Variants in OLFM3 observed in about 807,000 individuals in gnomAD.
The protein encoded by OLFM3 is olfactomedin 3.
Under a neutral mutation model 48.6 loss-of-function variants are expected in OLFM3, and 20 were observed. That is an observed-to-expected ratio of 0.41 (90% CI 0.29 to 0.60). The LOEUF (loss-of-function observed/expected upper bound fraction) is 0.60. Ranked by LOEUF, OLFM3 falls within the 20% of genes least tolerant of loss-of-function variation. The pLI is 0.28. For missense variants in OLFM3, 437 were observed against 544.3 expected (o/e 0.80, Z 1.96); for synonymous variants, 222 against 198.1 (o/e 1.12, Z -1.01).
chr1:101,829,658 G>C (rs540461306), intron 3 of OLFM3, among the ~76,000 whole-genome samples: 33 of 152,336 alleles, frequency 2.2e-4, no homozygotes, highest in Admixed American at 2.0e-3. Context: ...CCAAGGGCTT[G>C]AGTTCAGATC....
chr1:101,910,074 T>G, intron 1 of OLFM3: 1 of 985,562 alleles, frequency 1.0e-6, no homozygotes, highest in Non-Finnish European at 1.2e-6. Context: ...TTCCTCCTTC[T>G]GCTTCTTCAT....
chr1:101,821,987 G>A (rs1403706895), intron 4 of OLFM3, among the ~76,000 whole-genome samples: 1 of 152,116 alleles, frequency 6.6e-6, no homozygotes, highest in Admixed American at 6.6e-5. Context: ...GATCTGTGAT[G>A]TTACAGATAT....
chr1:101,858,709 C>G (rs1656526978), intron 1 of OLFM3, among the ~76,000 whole-genome samples: 1 of 152,008 alleles, frequency 6.6e-6, no homozygotes, highest in Non-Finnish European at 1.5e-5. Flanking sequence ...TCACTCTCTT[C>G]CTCCTGTGCC....
chr1:101,956,086 G>GTTGTTTT (rs1553183027), intron 1 of OLFM3, among the ~76,000 whole-genome samples: 6 of 105,084 alleles, frequency 5.7e-5, no homozygotes, highest in Admixed American at 3.6e-4. Context: ...ACAATAACAG[G>GTTGTTTT]TTTTTTTTTT....
intron 1 of OLFM3, chr1:101,909,965 AC>A: frequency 1.0e-6 from 1 of 985,316 alleles, no homozygotes; most frequent in African/African-American, 1.7e-5. Flanking sequence ...TCTTCAAGGT[AC>A]CACATAAGCA....
intron 1 of OLFM3, among the ~76,000 whole-genome samples, chr1:101,905,477 G>A (rs774541078): frequency 6.6e-6 from 1 of 152,140 alleles, no homozygotes; most frequent in Non-Finnish European, 1.5e-5. Context: ...ATTGCCAAAA[G>A]AGTTGTTCTA....
chr1:101,989,158 G>GA (rs1346106794), intron 1 of OLFM3, among the ~76,000 whole-genome samples: 1 of 152,012 alleles, frequency 6.6e-6, no homozygotes, highest in Non-Finnish European at 1.5e-5. Flanking sequence ...GGAGAAGAGG[G>GA]AAAAAAGCTT....
At chr1:101,851,991 C>G (rs972666998) in intron 1 of OLFM3, among the ~76,000 whole-genome samples, 1 of 152,030 alleles carries the variant, frequency 6.6e-6, no homozygotes, top group African/African-American at 2.4e-5. Flanking sequence ...CAATTCTTGG[C>G]CCACCCTTTG....
intron 1 of OLFM3, among the ~76,000 whole-genome samples, chr1:101,875,238 G>T (rs1657251206): frequency 1.3e-5 from 2 of 151,980 alleles, no homozygotes; most frequent in South Asian, 2.1e-4. Context: ...TTCTATTAGA[G>T]CAGTGAAGCT....
intron 4 of OLFM3, chr1:101,813,169 G>A (rs1654152352): frequency 8.7e-7 from 1 of 1,153,474 alleles, no homozygotes; most frequent in African/African-American, 1.6e-5. Flanking sequence ...TTTAAAGAAA[G>A]AAGTTATATT....
chr1:101,847,133 T>A (rs1656036301), intron 1 of OLFM3: 3 of 888,524 alleles, frequency 3.4e-6, no homozygotes, highest in African/African-American at 3.6e-5. Flanking sequence ...CCTTCCCCCA[T>A]CCTCGTGGGA....
intron 1 of OLFM3, among the ~76,000 whole-genome samples, chr1:101,884,341 G>A (rs1191061603): frequency 6.6e-6 from 1 of 151,984 alleles, no homozygotes; most frequent in Non-Finnish European, 1.5e-5. Context: ...CTTTAAAAAT[G>A]TCAAGATAAC....
At chr1:101,860,980 A>G (rs956593294) in intron 1 of OLFM3, among the ~76,000 whole-genome samples, 1 of 152,082 alleles carries the variant, frequency 6.6e-6, no homozygotes, top group Non-Finnish European at 1.5e-5. Context: ...CATTTTAGGG[A>G]CGGATCCTAC....
At chr1:101,826,290 C>CATAGTAGTGAAA (rs925819327) in intron 3 of OLFM3, among the ~76,000 whole-genome samples, 1 of 151,990 alleles carries the variant, frequency 6.6e-6, no homozygotes, top group South Asian at 2.1e-4. Flanking sequence ...TCTCTAACTT[C>CATAGTAGTGAAA]ATAGTAGTGA....
intron 1 of OLFM3, among the ~76,000 whole-genome samples, chr1:101,869,597 T>C (rs1036880293): frequency 3.9e-5 from 6 of 152,126 alleles, no homozygotes; most frequent in African/African-American, 1.4e-4. Flanking sequence ...TGTTATGAAA[T>C]GTGAGTACAT....
intron 3 of OLFM3, among the ~76,000 whole-genome samples, chr1:101,826,645 G>A (rs988998571): frequency 3.9e-5 from 6 of 152,210 alleles, no homozygotes; most frequent in African/African-American, 1.4e-4. Context: ...TACATATTGA[G>A]TGGGAGGCTA....
chr1:101,992,549 G>A (rs1409406628), intron 1 of OLFM3, among the ~76,000 whole-genome samples: 5 of 151,674 alleles, frequency 3.3e-5, no homozygotes, highest in African/African-American at 1.2e-4. Flanking sequence ...TGTCTCTAGC[G>A]CACGAGAGAA....
intron 1 of OLFM3, among the ~76,000 whole-genome samples, chr1:101,995,777 T>G (rs1225333907): frequency 6.6e-6 from 1 of 152,228 alleles, no homozygotes; most frequent in Admixed American, 6.5e-5. Context: ...TTTTATAGCA[T>G]GGAATCATTC....
In OLFM3 at chr1:101,996,769, A is replaced by C. The variant is rs768425962; in HGVS notation, c.48T>G (p.Phe16Leu). 3 of 1,614,272 alleles carry C rather than the reference A, an allele frequency of 1.9e-6. No individual in the cohort carries two copies. The highest frequency in any genetic ancestry group is 2.5e-6 in the Non-Finnish European group (3 of 1,180,050). ...NLLNLLLLSL[F>L]AGLDPSKTQI... is the part of the protein sequence containing the mutation. ...ATACCTTGGAAGGATCTAATCCGGC[A>C]AACAAAGACAGCAGCAGGAGGTTGA... The change falls in exon 1 of 6, where the codon TTT becomes TTG. Residue 16 changes from phenylalanine (F) to leucine (L), a missense_variant. Phe to Leu is a conservative substitution (Grantham distance 22). This residue lies in a region of OLFM3 where 314 missense variants were observed against 365.5 expected (regional missense o/e 0.86). Transcript: ENST00000370103.
Sources: gnomAD v4.1 joint callset for allele counts (sites outside exome capture counted in the v4.1 genomes callset) on GRCh38, gnomAD v4.1.1 for gene constraint, gnomAD v4.1.1 regional missense constraint, MANE v1.5 for transcripts, NCBI Gene and HGNC (gene_info 2026-07-23, HGNC 2026-07-21) for gene names.